Variants in SPAG16 observed in about 807,000 individuals in gnomAD.
SPAG16 encodes the protein sperm-associated antigen 16 protein.
In SPAG16, 86 loss-of-function variants were observed where a neutral mutation model predicts 80.4. The observed-to-expected ratio is 1.07, with a 90% CI of 0.90 to 1.28. The LOEUF is 1.28. SPAG16 is among the 50% of genes most tolerant of loss of function. The probability of loss-of-function intolerance (pLI) is 0.00; values close to 1 mark genes in which losing one functional copy is unlikely to be tolerated. For missense variants in SPAG16, 870 were observed against 765.3 expected (o/e 1.14, Z -1.61); for synonymous variants, 294 against 265.9 (o/e 1.11, Z -1.03).
intron 10 of SPAG16, among the ~76,000 whole-genome samples, chr2:213,860,430 T>TA (rs1559529255): frequency 1.8e-5 from 1 of 57,092 alleles, no homozygotes; most frequent in African/African-American, 4.7e-5. Context: ...TGTGTATATC[T>TA]ATATATTTAT....
rs569321073 is a variant in SPAG16 at position 213,976,323 on chromosome 2, C to T, written c.1401-37628C>T. Among the ~76,000 whole-genome samples, 30 of 148,380 alleles carry T rather than the reference C, an allele frequency of 2.0e-4. No homozygotes were observed. In the South Asian group the frequency reaches 2.9e-3, roughly 15 times the overall value. The stretch of plus-strand genomic sequence containing the variant: ...ATACACATGTGTGCGCATATGTGTA[C>T]GCATGTGTGCACATATATATATATC... On this transcript the variant is annotated intron_variant, in intron 12 of 15. Coordinates refer to ENST00000331683, the MANE Select transcript of SPAG16 (RefSeq NM_024532.5).
At chr2:214,303,353 G>A (rs1694692747) in intron 15 of SPAG16, among the ~76,000 whole-genome samples, 1 of 152,086 alleles carries the variant, frequency 6.6e-6, no homozygotes. Context: ...GATTATCTGG[G>A]AAAGACTTTA....
rs575022575 is a variant in SPAG16, at chr2:213,682,638, T to A, written c.1071-179847T>A. The stretch of plus-strand genomic sequence containing the variant: ...GGAGAGTTTTATTGTGGGGTCGGCA[T>A]GTCTCTGGACAGAGGGTAGGTTATC... On this transcript the variant is annotated intron_variant, in intron 10 of 15. Transcript: ENST00000331683. Among the ~76,000 whole-genome samples, 11 of 152,266 alleles carry A rather than the reference T, an allele frequency of 7.2e-5. No homozygotes were observed. In the South Asian group the frequency reaches 2.3e-3, roughly 32 times the overall value.
intron 10 of SPAG16, among the ~76,000 whole-genome samples, chr2:213,619,410 C>A (rs1469129361): frequency 6.6e-6 from 1 of 152,056 alleles, no homozygotes; most frequent in Admixed American, 6.6e-5. Flanking sequence ...GCAAATTATT[C>A]ATCTGAAAAG....
At chr2:213,779,392 A>T (rs966125526) in intron 10 of SPAG16, among the ~76,000 whole-genome samples, 4 of 152,202 alleles carry the variant, frequency 2.6e-5, no homozygotes, top group Admixed American at 1.3e-4. Flanking sequence ...AAAAATTTTA[A>T]AAAAATTGTG....
chr2:213,912,037 A>G (rs4672692), intron 11 of SPAG16, among the ~76,000 whole-genome samples: 88,894 of 151,890 alleles, frequency 0.59, 27,821 homozygotes, highest in South Asian at 0.84. Flanking sequence ...AACTCATAAT[A>G]TTTAGCTAGG....
chr2:213,778,986 C>T (rs572380380), intron 10 of SPAG16, among the ~76,000 whole-genome samples: 2 of 152,304 alleles, frequency 1.3e-5, no homozygotes, highest in African/African-American at 2.4e-5. Flanking sequence ...CTCATCCCAT[C>T]ACTTAATTCT....
At chr2:213,567,206 T>C (rs570133421) in intron 10 of SPAG16, among the ~76,000 whole-genome samples, 1 of 150,480 alleles carries the variant, frequency 6.6e-6, no homozygotes, top group Non-Finnish European at 1.5e-5. Context: ...TGAAATTTTA[T>C]TATTAAAATT....
intron 12 of SPAG16, among the ~76,000 whole-genome samples, chr2:213,999,160 G>C (rs1376728906): frequency 6.6e-6 from 1 of 152,026 alleles, no homozygotes; most frequent in Non-Finnish European, 1.5e-5. Context: ...GGGCATGTCA[G>C]AGGTCTTCAC....
intron 10 of SPAG16, among the ~76,000 whole-genome samples, chr2:213,525,020 C>G (rs1301400845): frequency 2.6e-5 from 4 of 152,054 alleles, no homozygotes; most frequent in African/African-American, 9.7e-5. Flanking sequence ...CCCATAATCC[C>G]CACATTTCTT....
At chr2:213,718,137 TAAAC>T (rs1365365488) in intron 10 of SPAG16, among the ~76,000 whole-genome samples, 2 of 17,638 alleles carry the variant, frequency 1.1e-4, no homozygotes, top group African/African-American at 3.9e-4. Flanking sequence ...ACAAAGAACT[TAAAC>T]AAGTTTACAA....
intron 10 of SPAG16, among the ~76,000 whole-genome samples, chr2:213,785,090 G>A (rs1041716493): frequency 7.2e-5 from 11 of 152,030 alleles, no homozygotes; most frequent in Non-Finnish European, 1.0e-4. Context: ...CAATATGGAC[G>A]TATATAATGT....
intron 1 of SPAG16, among the ~76,000 whole-genome samples, chr2:213,289,328 C>T (rs1276830393): frequency 6.6e-6 from 1 of 152,192 alleles, no homozygotes; most frequent in Non-Finnish European, 1.5e-5. Flanking sequence ...GCCATGAGCA[C>T]TGAGTCTTAC....
intron 12 of SPAG16, among the ~76,000 whole-genome samples, chr2:213,950,495 G>C (rs1402521057): frequency 7.2e-5 from 11 of 151,984 alleles, no homozygotes; most frequent in African/African-American, 4.8e-5. Flanking sequence ...CCCTTTAACA[G>C]TGGAGTCTGC....
At chr2:213,310,360 AC>A (rs1559396358) in intron 4 of SPAG16, among the ~76,000 whole-genome samples, 183 bp downstream of exon 4, 1 of 124,242 alleles carries the variant, frequency 8.0e-6, no homozygotes, top group Non-Finnish European at 1.9e-5. Flanking sequence ...ACACACACAC[AC>A]ACACACACAC....
intron 10 of SPAG16, among the ~76,000 whole-genome samples, chr2:213,850,794 A>C (rs1289480735): frequency 6.6e-6 from 1 of 152,158 alleles, no homozygotes; most frequent in Non-Finnish European, 1.5e-5. Context: ...AGGAAACATT[A>C]TTAGGCTGCT....
At chr2:214,044,814 T>G (rs1287794279) in intron 13 of SPAG16, among the ~76,000 whole-genome samples, 2 of 152,214 alleles carry the variant, frequency 1.3e-5, no homozygotes, top group Non-Finnish European at 2.9e-5. Flanking sequence ...TGAACTCAGC[T>G]GATATCTGCC....
At chr2:213,587,395 A>T (rs983564213) in intron 10 of SPAG16, among the ~76,000 whole-genome samples, 1 of 152,148 alleles carries the variant, frequency 6.6e-6, no homozygotes, top group Non-Finnish European at 1.5e-5. Context: ...TGAGGAGTAC[A>T]GCAACAGAGT....
chr2:213,289,998 A>C (rs1160772528), intron 1 of SPAG16, among the ~76,000 whole-genome samples: 3 of 152,234 alleles, frequency 2.0e-5, no homozygotes, highest in Non-Finnish European at 4.4e-5. Context: ...ACCAATTGGC[A>C]CCTCAAGCTC....
Sources: allele counts gnomAD v4.1 joint callset (sites outside exome capture counted in the v4.1 genomes callset), GRCh38; gene constraint gnomAD v4.1.1; transcripts MANE v1.5; gene names NCBI Gene and HGNC (gene_info 2026-07-23, HGNC 2026-07-21).